The following TNFRSF21 variants were observed in gnomAD, a reference collection of about 807,000 sequenced individuals.
TNFRSF21 encodes TNF receptor superfamily member 21, also known as tumor necrosis factor receptor superfamily member 21.
In TNFRSF21, 19 loss-of-function variants were observed where a neutral mutation model predicts 45.6. The observed-to-expected ratio is 0.42, with a 90% CI of 0.29 to 0.61. The LOEUF is 0.61. TNFRSF21 is among the 20% of genes least tolerant of loss of function. TNFRSF21 has a pLI of 0.23. For missense variants in TNFRSF21, 737 were observed against 851.5 expected, an observed-to-expected ratio of 0.87 and a Z score of 1.67; for synonymous variants, 314 against 335.5, an observed-to-expected ratio of 0.94 and a Z score of 0.70.
At chr6:47,261,491 T>C (rs1354556247) in intron 3 of TNFRSF21, among the ~76,000 whole-genome samples, 1 of 152,170 alleles carries the variant, frequency 6.6e-6, no homozygotes, top group Non-Finnish European at 1.5e-5. Context: ...ACTGAGAACC[T>C]GAGTGGCCCC....
chr6:47,283,335 A>G (rs1206413328), intron 3 of TNFRSF21, among the ~76,000 whole-genome samples: 1 of 152,204 alleles, frequency 6.6e-6, no homozygotes, highest in Non-Finnish European at 1.5e-5. Context: ...GATGACCGAC[A>G]TATTATGCTT....
chr6:47,258,301 CAG>C (rs1256758310), intron 3 of TNFRSF21, among the ~76,000 whole-genome samples: 1 of 151,360 alleles, frequency 6.6e-6, no homozygotes, highest in Non-Finnish European at 1.5e-5. Flanking sequence ...ACCTGAGAGA[CAG>C]AGGTTGCAGT....
At chr6:47,287,037 C>T (rs955897125) in intron 1 of TNFRSF21, among the ~76,000 whole-genome samples, 7 of 152,070 alleles carry the variant, frequency 4.6e-5, no homozygotes, top group Non-Finnish European at 8.8e-5. Flanking sequence ...CCTTACATCA[C>T]ATCTGTAATT....
At chr6:47,303,511 T>G (rs1419722148) in intron 1 of TNFRSF21, among the ~76,000 whole-genome samples, 1 of 152,202 alleles carries the variant, frequency 6.6e-6, no homozygotes, top group Non-Finnish European at 1.5e-5. Context: ...GAAAATCTTC[T>G]GGTGGCCTTT....
At chr6:47,292,231 G>A (rs1416909885) in intron 1 of TNFRSF21, among the ~76,000 whole-genome samples, 1 of 152,204 alleles carries the variant, frequency 6.6e-6, no homozygotes, top group Non-Finnish European at 1.5e-5. Flanking sequence ...AAAAGTGCAA[G>A]AGAGTGGGAG....
intron 3 of TNFRSF21, among the ~76,000 whole-genome samples, chr6:47,257,205 T>A (rs1403324157): frequency 2.6e-5 from 4 of 151,622 alleles, no homozygotes; most frequent in Admixed American, 2.0e-4. Context: ...ATCCTTTTTT[T>A]AAGCCACAAA....
rs147344385 is a variant in TNFRSF21 at position 47,259,352 on chromosome 6, G to A, written c.1244-5831C>T. Among the ~76,000 whole-genome samples the A allele has an allele frequency of 5.3e-5, 8 of 150,612 alleles. No homozygotes were observed. In the East Asian group the frequency reaches 1.6e-3, roughly 30 times the overall value. On this transcript the variant is annotated intron_variant, in intron 3 of 5. Coordinates refer to ENST00000296861, the MANE Select transcript of TNFRSF21 (RefSeq NM_014452.5). ...CAACCCACTGAAGGGCTGATAGACA[G>A]GGGCACAGAACATCACATTGCCTTT...
chr6:47,257,440 A>C (rs1458320517), intron 3 of TNFRSF21, among the ~76,000 whole-genome samples: 10 of 152,224 alleles, frequency 6.6e-5, no homozygotes, highest in Non-Finnish European at 5.9e-5. Context: ...TTGATAAATC[A>C]AAGATAAATC....
Position 47,254,854 on chromosome 6 carries a change from T to A in TNFRSF21, c.1244-1333A>T, listed in dbSNP as rs114428236. Among the ~76,000 whole-genome samples, 438 of 152,338 alleles carry A rather than the reference T, an allele frequency of 2.9e-3. 2 individuals carry two copies. The highest frequency in any genetic ancestry group is 0.01 in the African/African-American group (418 of 41,580). On this transcript the variant is annotated intron_variant, in intron 3 of 5. Transcript: ENST00000296861. ...GGCATTAGCTCACTGAACATCTTTA[T>A]AAGGCATTAATATTCCAATTACACA...
At chr6:47,244,936 C>T (rs892817409) in intron 4 of TNFRSF21, among the ~76,000 whole-genome samples, 2 of 152,202 alleles carry the variant, frequency 1.3e-5, no homozygotes, top group Non-Finnish European at 2.9e-5. Flanking sequence ...TAGGCCAAAG[C>T]TGGAAGCTAT....
chr6:47,303,386 A>G (rs1366490075), intron 1 of TNFRSF21, among the ~76,000 whole-genome samples: 1 of 152,174 alleles, frequency 6.6e-6, no homozygotes, highest in Non-Finnish European at 1.5e-5. Context: ...CCACAGGGCA[A>G]TGTTCTGATC....
intron 3 of TNFRSF21, among the ~76,000 whole-genome samples, chr6:47,255,097 C>A (rs1028157617): frequency 6.6e-6 from 1 of 152,166 alleles, no homozygotes; most frequent in Non-Finnish European, 1.5e-5. Flanking sequence ...CAGCTGTCCC[C>A]AATGATTCAA....
Position 47,283,981 on chromosome 6 carries a change from T to G in TNFRSF21, c.1200A>C (p.Pro400=), listed in dbSNP as rs1475780187. The G allele has an allele frequency of 1.2e-6, 2 of 1,614,064 alleles. No individual in the cohort carries two copies. The highest frequency in any genetic ancestry group is 1.7e-6 in the Non-Finnish European group (2 of 1,180,044). ...EKAGLKKSMT[P]TQNREKWIYY... ...AGATCCATTTCTCCCGGTTCTGGGT[T>G]GGAGTCATGGATTTCTTCAGCCCTG... The change falls in exon 3 of 6, where the codon CCA becomes CCC. Residue 400 remains proline (P), a synonymous_variant. Transcript: ENST00000296861.
intron 3 of TNFRSF21, among the ~76,000 whole-genome samples, chr6:47,264,646 A>T (rs1762303179): frequency 1.3e-5 from 2 of 152,226 alleles, no homozygotes; most frequent in South Asian, 4.1e-4. Flanking sequence ...CACCTTGTGC[A>T]TGAGATAATG....
At chr6:47,257,021 A>T (rs1479914311) in intron 3 of TNFRSF21, among the ~76,000 whole-genome samples, 1 of 152,192 alleles carries the variant, frequency 6.6e-6, no homozygotes, top group Non-Finnish European at 1.5e-5. Flanking sequence ...CATTTTCTAT[A>T]GAGTTACTTT....
intron 3 of TNFRSF21, among the ~76,000 whole-genome samples, chr6:47,255,078 T>A (rs1764960684): frequency 6.6e-6 from 1 of 152,204 alleles, no homozygotes; most frequent in Non-Finnish European, 1.5e-5. Flanking sequence ...GGCTGGTTAG[T>A]CTGACAGACA....
intron 3 of TNFRSF21, among the ~76,000 whole-genome samples, chr6:47,266,260 T>G (rs1016628379): frequency 6.6e-6 from 1 of 152,194 alleles, no homozygotes; most frequent in Non-Finnish European, 1.5e-5. Context: ...TCTCCCACAT[T>G]TGACCAATCC....
intron 3 of TNFRSF21, among the ~76,000 whole-genome samples, chr6:47,268,163 T>C (rs1193153514): frequency 6.6e-6 from 1 of 152,208 alleles, no homozygotes; most frequent in Non-Finnish European, 1.5e-5. Flanking sequence ...CACTGACTCG[T>C]GGTGTGGCCT....
chr6:47,299,363 T>C (rs1423653203), intron 1 of TNFRSF21, among the ~76,000 whole-genome samples: 1 of 151,878 alleles, frequency 6.6e-6, no homozygotes, highest in African/African-American at 2.4e-5. Context: ...GGCAGGGTGG[T>C]GCACGCTGTA....
Sources: gnomAD v4.1 joint callset for allele counts (sites outside exome capture counted in the v4.1 genomes callset) on GRCh38, gnomAD v4.1.1 for gene constraint, MANE v1.5 for transcripts, NCBI Gene and HGNC (gene_info 2026-07-23, HGNC 2026-07-21) for gene names.